VARS1: variants seen among roughly 807,000 people sequenced by gnomAD.
VARS1 encodes the protein valine--tRNA ligase.
VARS1 carries 92 observed loss-of-function variants against 161.0 expected under a neutral mutation model. The ratio of observed to expected loss-of-function variants is 0.57; its 90% CI spans 0.48 to 0.68. VARS1 has a LOEUF of 0.68. Among genes scored for constraint, VARS1 ranks in the 30% least tolerant of loss-of-function variants. The pLI is 0.00. For synonymous variants in VARS1, 595 were observed against 682.5 expected, an observed-to-expected ratio of 0.87 and a Z score of 2.00; for missense variants, 1,338 against 1,695.9, an observed-to-expected ratio of 0.79 and a Z score of 3.71.
At position 31,781,240 on chromosome 6, in the gene VARS1, C is replaced by A; in HGVS notation, c.2545-117G>T. ...GTGAACCTCAGGTCCCACTGAGTGT[C>A]CCCAAGAGCTCGTTGAGCGCCTTTA... On this transcript the variant is annotated intron_variant, in intron 21 of 29. Coordinates refer to ENST00000375663, the MANE Select transcript of VARS1 (RefSeq NM_006295.3). The surrounding 1 kb of genome is among the most constrained non-coding windows in gnomAD (Gnocchi z 6.8). The A allele has an allele frequency of 7.7e-7, 1 of 1,291,680 alleles. No individual in the cohort carries two copies. Among genetic ancestry groups the A allele is most frequent in the South Asian group, 1.3e-5 (1 of 79,916 alleles). 80.0% of individuals were successfully genotyped at this position (1,291,680 alleles called of 1,614,324 possible). A position where few individuals can be genotyped will look rare whatever the true frequency, so the allele number is the denominator to read the frequency against.
chr6:31,782,263 C>T lies in VARS1; in HGVS notation c.2150+22G>A. On this transcript the variant is annotated intron_variant, in intron 17 of 29. Transcript: ENST00000375663. This position sits in a 1 kb window ranked among gnomAD's most constrained non-coding sequence, Gnocchi z 8.3. ...CTGCTCAGCCCTCGGCAAGCCCCTC[C>T]CACACTGAGGACCCTACACACCGGA... 1 of 1,610,886 alleles carries T rather than the reference C, an allele frequency of 6.2e-7. No individual in the cohort carries two copies. Among genetic ancestry groups the T allele is most frequent in the Non-Finnish European group, 8.5e-7 (1 of 1,178,256 alleles).
At position 31,782,292 on chromosome 6, in the gene VARS1, T is replaced by C. The variant is rs765338623; in HGVS notation, c.2143A>G (p.Asn715Asp). Residue 715 changes from asparagine (N) to aspartate (D), a missense_variant, in exon 17 of 30, where the codon AAC becomes GAC. By Grantham distance (23) the Asn-to-Asp change is conservative. Transcript: ENST00000375663. The surrounding 1 kb of genome is among the most constrained non-coding windows in gnomAD (Gnocchi z 8.3). Reference sequence around the variant, plus strand: ...ACTGAGGACCCTACACACCGGATGTTGTCCATCCAGGCATGCCATGTGCGC... The same window carrying C: ...ACTGAGGACCCTACACACCGGATGTCGTCCATCCAGGCATGCCATGTGCGC... Reference protein sequence around the residue: ...HQRTWHAWMDNIREWCISRQL... With the variant: ...HQRTWHAWMDDIREWCISRQL... 4.3e-6 allele frequency: 7 copies of C among 1,612,564 alleles called. No homozygotes were observed. Among genetic ancestry groups the C allele is most frequent in the African/African-American group, 2.7e-5 (2 of 74,932 alleles).
At position 31,780,432 on chromosome 6, in the gene VARS1, G is replaced by T; in HGVS notation, c.2925+9C>A. The T allele has an allele frequency of 4.3e-6, 7 of 1,610,948 alleles. No individual in the cohort carries two copies. The highest frequency in any genetic ancestry group is 5.1e-6 in the Non-Finnish European group (6 of 1,178,432). Reference sequence around the variant, plus strand: ...GTGCTGCCAGCTTTGCTGCCCACCAGGCCCTTACCTGGGAGGTGGGTGAGG... The same window carrying T: ...GTGCTGCCAGCTTTGCTGCCCACCATGCCCTTACCTGGGAGGTGGGTGAGG... On this transcript the variant is annotated intron_variant, in intron 25 of 29. Transcript: ENST00000375663. The surrounding 1 kb of genome is among the most constrained non-coding windows in gnomAD (Gnocchi z 5.1).
In VARS1 at chr6:31,784,343, G is replaced by T. The variant is rs1813351319; in HGVS notation, c.1577-35C>A. On this transcript the variant is annotated intron_variant, in intron 12 of 29. Coordinates refer to ENST00000375663, the MANE Select transcript of VARS1 (RefSeq NM_006295.3). The surrounding 1 kb of genome is among the most constrained non-coding windows in gnomAD (Gnocchi z 6.1). ...CAGAAGGCCTTGTGGTCTTGGCCTT[G>T]GCCCCTTCCTGCCACTCCCAGCCCA... 6.2e-7 allele frequency: 1 copy of T among 1,613,992 alleles called. No individual in the cohort carries two copies. Among genetic ancestry groups the T allele is most frequent in the Non-Finnish European group, 8.5e-7 (1 of 1,180,002 alleles).
At position 31,785,189 on chromosome 6, in the gene VARS1, G is replaced by T. The variant is rs1463036944; in HGVS notation, c.1347+57C>A. 4 of 1,603,408 alleles carry T rather than the reference G, an allele frequency of 2.5e-6. No homozygotes were observed. The highest frequency in any genetic ancestry group is 1.7e-5 in the Admixed American group (1 of 59,906). Reference sequence around the variant, plus strand: ...AACACCTCTGCTTTCTCCTGTGGGGGTCCCACCCTGGGGAGACTCCTACTC... The same window carrying T: ...AACACCTCTGCTTTCTCCTGTGGGGTTCCCACCCTGGGGAGACTCCTACTC... On this transcript the variant is annotated intron_variant, in intron 10 of 29. Coordinates refer to ENST00000375663, the MANE Select transcript of VARS1 (RefSeq NM_006295.3). This position sits in a 1 kb window ranked among gnomAD's most constrained non-coding sequence, Gnocchi z 6.1.
rs1812913092 is a variant in VARS1 at position 31,778,837 on chromosome 6, G to C, written c.3726+130C>G. 1 of 1,271,234 alleles carries C rather than the reference G, an allele frequency of 7.9e-7. No individual in the cohort carries two copies. The highest frequency in any genetic ancestry group is 2.3e-5 in the Admixed American group (1 of 44,370). The allele number at this position is 1,271,234 out of a possible 1,614,324, so 78.7% of individuals were successfully genotyped here. A position where few individuals can be genotyped will look rare whatever the true frequency, so the allele number is the denominator to read the frequency against. On this transcript the variant is annotated intron_variant, in intron 29 of 29. Coordinates refer to ENST00000375663, the MANE Select transcript of VARS1 (RefSeq NM_006295.3). The surrounding 1 kb of genome is among the most constrained non-coding windows in gnomAD (Gnocchi z 5.1). ...GTTTTTTAAGGCTAGTGGGAGTGGA[G>C]AAGGAACAAAGAAATCTGTAACTGG...
chr6:31,784,079 G>A lies in VARS1; in HGVS notation c.1671+135C>T. The A allele has an allele frequency of 2.1e-6, 2 of 962,174 alleles. No individual in the cohort carries two copies. Among genetic ancestry groups the A allele is most frequent in the Non-Finnish European group, 3.2e-6 (2 of 625,048 alleles). The allele number at this position is 962,174 out of a possible 1,614,324, so 59.6% of individuals were successfully genotyped here. A position where few individuals can be genotyped will look rare whatever the true frequency, so the allele number is the denominator to read the frequency against. On this transcript the variant is annotated intron_variant, in intron 13 of 29. Transcript: ENST00000375663. This position sits in a 1 kb window ranked among gnomAD's most constrained non-coding sequence, Gnocchi z 6.1. ...CCCAATAGCTCTACCCTCAGAGCTGGGAAAGAAGCTGAAGACCAGTTTCTA... is the reference window on the plus strand; with the variant it reads ...CCCAATAGCTCTACCCTCAGAGCTGAGAAAGAAGCTGAAGACCAGTTTCTA...
Position 31,795,399 on chromosome 6 carries a change from A to C in VARS1, c.-34+147T>G. ...TGACCAGGCAGGCTGTCAGGAGCCG[A>C]GGACCTGGCTCTCAGAGGGGCAGTG... On this transcript the variant is annotated intron_variant, in intron 1 of 29. Transcript: ENST00000375663. This position sits in a 1 kb window ranked among gnomAD's most constrained non-coding sequence, Gnocchi z 6.9. 2 of 450,576 alleles carry C rather than the reference A, an allele frequency of 4.4e-6. No homozygotes were observed. Among genetic ancestry groups the C allele is most frequent in the Non-Finnish European group, 7.3e-6 (2 of 273,302 alleles). The allele number at this position is 450,576 out of a possible 1,614,324, so 27.9% of individuals were successfully genotyped here. A position where few individuals can be genotyped will look rare whatever the true frequency, so the allele number is the denominator to read the frequency against.
chr6:31,785,597 G>C lies in VARS1; in HGVS notation c.1237C>G (p.Leu413Val), dbSNP rs754331025. 5.0e-6 allele frequency: 8 copies of C among 1,611,954 alleles called. No individual in the cohort carries two copies. The East Asian group carries it at 1.8e-4, about 36-fold the overall frequency. The change falls in exon 9 of 30, where the codon CTA (leucine) becomes GTA (valine). Residue 413 changes from leucine to valine, a missense_variant. Leu to Val is a conservative substitution (Grantham distance 32). Transcript: ENST00000375663. The surrounding 1 kb of genome is among the most constrained non-coding windows in gnomAD (Gnocchi z 6.1). ...SRHQLGREAF[L>V]QEVWKWKEEK... ...TCCTTCCACTTCCAGACTTCCTGTAGAAAGGCCTCGCGGCCCAGCTGGTGC... is the reference window on the plus strand; with the variant it reads ...TCCTTCCACTTCCAGACTTCCTGTACAAAGGCCTCGCGGCCCAGCTGGTGC...
rs979904305 is a variant in VARS1, at chr6:31,791,416, C to T, written c.1100+194G>A. Reference sequence around the variant, plus strand: ...GGGATAGAAGAGAGTCTGCAAGTGGCGGTGTTGCATGGGAGTACTGGACTA... The same window carrying T: ...GGGATAGAAGAGAGTCTGCAAGTGGTGGTGTTGCATGGGAGTACTGGACTA... On this transcript the variant is annotated intron_variant, in intron 8 of 29. Transcript: ENST00000375663. The surrounding 1 kb of genome is among the most constrained non-coding windows in gnomAD (Gnocchi z 5.0). Among the ~76,000 whole-genome samples, 3 of 151,892 alleles carry T rather than the reference C, an allele frequency of 2.0e-5. No individual in the cohort carries two copies. Among genetic ancestry groups the T allele is most frequent in the Non-Finnish European group, 2.9e-5 (2 of 67,966 alleles).
Position 31,780,407 on chromosome 6 carries a change from G to A in VARS1, c.2925+34C>T, listed in dbSNP as rs1364583492. The A allele has an allele frequency of 1.2e-6, 2 of 1,602,014 alleles. No individual in the cohort carries two copies. Among genetic ancestry groups the A allele is most frequent in the Admixed American group, 1.7e-5 (1 of 59,302 alleles). ...CCGGACAGGGGTACAGCCTGTGTGA[G>A]TGCTGCCAGCTTTGCTGCCCACCAG... On this transcript the variant is annotated intron_variant, in intron 25 of 29. Transcript: ENST00000375663. This position sits in a 1 kb window ranked among gnomAD's most constrained non-coding sequence, Gnocchi z 5.1.
rs762183559 is a variant in VARS1, at chr6:31,781,431, G to A, written c.2544+50C>T. On this transcript the variant is annotated intron_variant, in intron 21 of 29. Transcript: ENST00000375663. This position sits in a 1 kb window ranked among gnomAD's most constrained non-coding sequence, Gnocchi z 6.8. ...CGGGGTCTGCGCTGCAGCACAGGAC[G>A]GTAGGAGAGGAGGCTGGGGGCGATG... The A allele has an allele frequency of 4.7e-5, 76 of 1,600,204 alleles. No individual in the cohort carries two copies. The highest frequency in any genetic ancestry group is 1.2e-4 in the Admixed American group (7 of 57,558).
rs1813101855 is a variant in VARS1 at position 31,780,936 on chromosome 6, G to A, written c.2652C>T (p.Gly884=). ...TGCTGTTCAGCAGCTGGTTGTGGAG[G>A]CCCTGAGGGTGGAGTGGGAGCAGTC... ...LDVIYGISLQ[G]LHNQLLNSNL... is the part of the protein sequence containing the mutation. Residue 884 remains glycine, a splice_region_variant and synonymous_variant, in exon 23 of 30, where the codon GGC becomes GGT. Coordinates refer to ENST00000375663, the MANE Select transcript of VARS1 (RefSeq NM_006295.3). This position sits in a 1 kb window ranked among gnomAD's most constrained non-coding sequence, Gnocchi z 5.1. 1.2e-6 allele frequency: 2 copies of A among 1,613,982 alleles called. No homozygotes were observed. The highest frequency in any genetic ancestry group is 1.3e-5 in the African/African-American group (1 of 74,934).
intron 4 of VARS1, 40 bp downstream of exon 4, chr6:31,792,717 C>T: frequency 1.9e-6 from 3 of 1,610,902 alleles, no homozygotes; most frequent in Non-Finnish European, 2.5e-6. Context: ...TGGAAGGCCC[C>T]AGGGAAGCCC....
At chr6:31,789,697 T>G (rs1488209553) in intron 8 of VARS1, among the ~76,000 whole-genome samples, 1 of 152,104 alleles carries the variant, frequency 6.6e-6, no homozygotes, top group African/African-American at 2.4e-5. Flanking sequence ...CTGGGCCACA[T>G]GGAAGAATTG....
rs1814223230 is a variant in VARS1 at position 31,795,496 on chromosome 6, G to A, written c.-34+50C>T. 3 of 340,210 alleles carry A rather than the reference G, an allele frequency of 8.8e-6. No homozygotes were observed. The highest frequency in any genetic ancestry group is 1.6e-5 in the Non-Finnish European group (3 of 188,892). The allele number at this position is 340,210 out of a possible 1,614,324, so 21.1% of individuals were successfully genotyped here. On this transcript the variant is annotated intron_variant, in intron 1 of 29. Coordinates refer to ENST00000375663, the MANE Select transcript of VARS1 (RefSeq NM_006295.3). This position sits in a 1 kb window ranked among gnomAD's most constrained non-coding sequence, Gnocchi z 6.9. ...CTTCGGGGAGTGTGGAAGGCTCTCA[G>A]GAGCGGGTCGGCGTCTGGTTGGATG...
chr6:31,781,775 AAGGTCAG>A lies in VARS1; in HGVS notation c.2348-21_2348-15del. 1.9e-6 allele frequency: 3 copies of A among 1,613,046 alleles called. No individual in the cohort carries two copies. Among genetic ancestry groups the A allele is most frequent in the Non-Finnish European group, 2.5e-6 (3 of 1,180,012 alleles). On this transcript the variant is annotated splice_polypyrimidine_tract_variant and intron_variant, in intron 19 of 29. Transcript: ENST00000375663. The surrounding 1 kb of genome is among the most constrained non-coding windows in gnomAD (Gnocchi z 6.8). ...ATACATCCTCATCTGAGAGAGGCCA[AAGGTCAG>A]AGGTCAGAGGGAGTGGAGCTCTGCC... is the stretch of plus-strand genomic sequence containing the variant.
rs1210670970 is a variant in VARS1, at chr6:31,785,566, C to T, written c.1265+3G>A. On this transcript the variant is annotated splice_donor_region_variant and intron_variant, in intron 9 of 29. Transcript: ENST00000375663. The surrounding 1 kb of genome is among the most constrained non-coding windows in gnomAD (Gnocchi z 6.1). ...GATGCCCACAGGGATGCTGCATACT[C>T]ACTCCTCCTTCCACTTCCAGACTTC... is the stretch of plus-strand genomic sequence containing the variant. 11 of 1,602,468 alleles carry T rather than the reference C, an allele frequency of 6.9e-6. No individual in the cohort carries two copies. Among genetic ancestry groups the T allele is most frequent in the Non-Finnish European group, 9.4e-6 (11 of 1,174,962 alleles).
Position 31,784,374 on chromosome 6 carries a change from C to T in VARS1, c.1576+20G>A, listed in dbSNP as rs566458880. On this transcript the variant is annotated intron_variant, in intron 12 of 29. Transcript: ENST00000375663. This position sits in a 1 kb window ranked among gnomAD's most constrained non-coding sequence, Gnocchi z 6.1. ...TTCCTGCCACTCCCAGCCCAGGATC[C>T]TGGTGCCCCTGGCTCCTACCTGAGC... 6 of 1,614,194 alleles carry T rather than the reference C, an allele frequency of 3.7e-6. No individual in the cohort carries two copies. The Admixed American group carries it at 8.3e-5, about 22-fold the overall frequency.
Sources: allele counts gnomAD v4.1 joint callset (sites outside exome capture counted in the v4.1 genomes callset), GRCh38; gene constraint gnomAD v4.1.1; non-coding constraint Gnocchi (gnomAD v3.1); transcripts MANE v1.5; gene names NCBI Gene and HGNC (gene_info 2026-07-23, HGNC 2026-07-21).